GLP2R: variants seen among roughly 807,000 people sequenced by gnomAD.
GLP2R encodes glucagon-like peptide 2 receptor.
GLP2R carries 59 observed loss-of-function variants against 68.2 expected under a neutral mutation model. The observed-to-expected ratio is 0.87, with a 90% CI of 0.70 to 1.07. The LOEUF (loss-of-function observed/expected upper bound fraction) is 1.07. GLP2R is among the 50% of genes least tolerant of loss of function. GLP2R has a pLI of 0.00. For missense variants in GLP2R, 548 were observed against 677.4 expected (o/e 0.81, Z 2.12); for synonymous variants, 270 against 265.4 (o/e 1.02, Z -0.17).
At chr17:9,860,612 C>G (rs1376680522) in intron 7 of GLP2R, among the ~76,000 whole-genome samples, 1 of 152,100 alleles carries the variant, frequency 6.6e-6, no homozygotes, top group Non-Finnish European at 1.5e-5. Context: ...AGGACCCCAC[C>G]CTCATGATCT....
intron 8 of GLP2R, among the ~76,000 whole-genome samples, chr17:9,861,495 A>AT (rs939193108): frequency 6.6e-6 from 1 of 152,248 alleles, no homozygotes; most frequent in African/African-American, 2.4e-5. Context: ...GTGAGAAAAA[A>AT]AATTAACAAA....
intron 4 of GLP2R, among the ~76,000 whole-genome samples, chr17:9,843,564 A>G (rs2066808382): frequency 1.3e-5 from 2 of 152,196 alleles, no homozygotes; most frequent in South Asian, 4.1e-4. Context: ...TTCCCAGGAA[A>G]GGTTTTTTGG....
At chr17:9,834,118 G>A (rs766317942) in intron 2 of GLP2R, among the ~76,000 whole-genome samples, 10 of 152,158 alleles carry the variant, frequency 6.6e-5, no homozygotes, top group Non-Finnish European at 1.3e-4. Flanking sequence ...CAGCATGATG[G>A]TGGGGTCTCT....
At chr17:9,859,588 C>T (rs765893535) in intron 6 of GLP2R, among the ~76,000 whole-genome samples, 4 of 149,960 alleles carry the variant, frequency 2.7e-5, no homozygotes, top group Non-Finnish European at 4.4e-5. Flanking sequence ...GTCAGGAGAT[C>T]GAGACCATCC....
At chr17:9,887,842 G>A (rs2240737) in intron 11 of GLP2R, 90 bp from the exon 12 acceptor site, 138,000 of 900,440 alleles carry the variant, frequency 0.15, 12,895 homozygotes, top group Admixed American at 0.3. Flanking sequence ...GACTCCTTAC[G>A]ACCTGTGCAG....
At chr17:9,845,811 C>T (rs1245884421) in intron 4 of GLP2R, among the ~76,000 whole-genome samples, 1 of 126,458 alleles carries the variant, frequency 7.9e-6, no homozygotes. Context: ...AAAAACCTAG[C>T]TTTTTGTTAA....
At chr17:9,849,849 G>A (rs571665956) in intron 4 of GLP2R, among the ~76,000 whole-genome samples, 14 of 152,030 alleles carry the variant, frequency 9.2e-5, no homozygotes, top group African/African-American at 2.2e-4. Context: ...TCCTGACCTC[G>A]TGATCCACCC....
Position 9,889,397 on chromosome 17 carries a change from G to C in GLP2R, c.1354G>C (p.Val452Leu). The change falls in exon 13 of 13, where the codon GTC becomes CTC. Residue 452 changes from valine to leucine, a missense_variant. By Grantham distance (32) the Val-to-Leu change is conservative (BLOSUM62 1). Transcript: ENST00000262441. ...GAAGGCTGAGCTGCGGAAATACTGG[G>C]TCCGCTTCTTGCTAGCCCGCCACTC... ...EVKAELRKYW[V>L]RFLLARHSGC... 1 of 1,613,762 alleles carries C rather than the reference G, an allele frequency of 6.2e-7. No homozygotes were observed. Among genetic ancestry groups the C allele is most frequent in the Non-Finnish European group, 8.5e-7 (1 of 1,179,696 alleles).
intron 2 of GLP2R, among the ~76,000 whole-genome samples, chr17:9,836,056 AAAAAG>A (rs2066727643): frequency 6.6e-6 from 1 of 151,872 alleles, no homozygotes; most frequent in Non-Finnish European, 1.5e-5. Flanking sequence ...AAAAAAAAAA[AAAAAG>A]AAAGAAAGAA....
chr17:9,858,160 G>A (rs2066952075), intron 6 of GLP2R, among the ~76,000 whole-genome samples: 1 of 152,168 alleles, frequency 6.6e-6, no homozygotes, highest in South Asian at 2.1e-4. Context: ...TGTGGATTTT[G>A]GTATCCACAG....
intron 1 of GLP2R, among the ~76,000 whole-genome samples, chr17:9,832,573 CA>C (rs1239880123): frequency 6.6e-6 from 1 of 151,738 alleles, no homozygotes; most frequent in African/African-American, 2.4e-5. Flanking sequence ...ACAACAACAA[CA>C]AAAAAACTTA....
intron 9 of GLP2R, chr17:9,865,703 C>A: frequency 2.5e-6 from 1 of 392,864 alleles, no homozygotes; most frequent in Non-Finnish European, 5.2e-6. Context: ...CTTTATTAAT[C>A]TCTCTATCCC....
At chr17:9,867,425 A>G (rs951983143) in intron 9 of GLP2R, among the ~76,000 whole-genome samples, 2 of 152,206 alleles carry the variant, frequency 1.3e-5, no homozygotes, top group African/African-American at 2.4e-5. Context: ...TTCAGAAATG[A>G]CCATAATGTG....
intron 11 of GLP2R, among the ~76,000 whole-genome samples, chr17:9,882,591 G>C (rs74582129): frequency 1.3e-5 from 2 of 152,130 alleles, no homozygotes; most frequent in Non-Finnish European, 2.9e-5. Flanking sequence ...GCCAGGGAAG[G>C]CTTCAAACTG....
At chr17:9,839,706 C>T (rs1298376632) in intron 3 of GLP2R, among the ~76,000 whole-genome samples, 1 of 152,206 alleles carries the variant, frequency 6.6e-6, no homozygotes, top group African/African-American at 2.4e-5. Context: ...CTCCTGCTGC[C>T]TGGCCCTGCT....
chr17:9,870,053 A>G (rs892145026), intron 9 of GLP2R, among the ~76,000 whole-genome samples: 2 of 152,206 alleles, frequency 1.3e-5, no homozygotes, highest in Non-Finnish European at 2.9e-5. Flanking sequence ...CATAGCAGCA[A>G]CAGGATCTCA....
At position 9,891,465 on chromosome 17, in the gene GLP2R, C is replaced by T. The variant is rs1259277253; in HGVS notation, c.*1760C>T. 1 of 152,194 alleles carries T rather than the reference C, an allele frequency of 6.6e-6. No individual in the cohort carries two copies. The highest frequency in any genetic ancestry group is 2.4e-5 in the African/African-American group (1 of 41,454). 9.4% of individuals were successfully genotyped at this position (152,194 alleles called of 1,614,324 possible). On this transcript the variant is annotated 3_prime_UTR_variant, in exon 13 of 13. Coordinates refer to ENST00000262441, the MANE Select transcript of GLP2R (RefSeq NM_004246.3). ...CAGGATAAGGGTGAGGCAGGAGAGG[C>T]CAGCTCTTGCAAGTGCAGGCTCTGG...
At chr17:9,836,039 C>CAAA (rs10706067) in intron 2 of GLP2R, among the ~76,000 whole-genome samples, 170 of 86,772 alleles carry the variant, frequency 2.0e-3, no homozygotes, top group African/African-American at 3.9e-3. Flanking sequence ...ACTCCATCTC[C>CAAA]AAAAAAAAAA....
chr17:9,878,592 T>C (rs1163710978), intron 10 of GLP2R, among the ~76,000 whole-genome samples: 1 of 152,236 alleles, frequency 6.6e-6, no homozygotes, highest in Non-Finnish European at 1.5e-5. Context: ...ATTCCATCTG[T>C]CTGCTCATCA....
Sources: gnomAD v4.1 joint callset for allele counts (sites outside exome capture counted in the v4.1 genomes callset) on GRCh38, gnomAD v4.1.1 for gene constraint, MANE v1.5 for transcripts, NCBI Gene and HGNC (gene_info 2026-07-23, HGNC 2026-07-21) for gene names.